ETV5: variants seen among roughly 807,000 people sequenced by gnomAD.
ETV5 encodes ETS variant transcription factor 5.
ETV5 carries 10 observed loss-of-function variants against 70.0 expected under a neutral mutation model. The observed-to-expected ratio is 0.14, with a 90% CI of 0.09 to 0.24. ETV5 has a LOEUF of 0.24. Ranked by LOEUF, ETV5 falls within the 10% of genes least tolerant of loss-of-function variation. The probability of loss-of-function intolerance (pLI) is 1.00; values close to 1 mark genes in which losing one functional copy is unlikely to be tolerated. For synonymous variants in ETV5, 216 were observed against 242.2 expected, an observed-to-expected ratio of 0.89 and a Z score of 1.01; for missense variants, 453 against 651.2, an observed-to-expected ratio of 0.70 and a Z score of 3.31.
chr3:186,102,261 T>C (rs1049635403), intron 5 of ETV5, among the ~76,000 whole-genome samples: 1 of 152,164 alleles, frequency 6.6e-6, no homozygotes, highest in African/African-American at 2.4e-5. Flanking sequence ...ATGTATACAA[T>C]AAATTTACAC....
intron 7 of ETV5, among the ~76,000 whole-genome samples, chr3:186,069,498 G>GT (rs1334731682): frequency 1.1e-4 from 16 of 140,748 alleles, no homozygotes; most frequent in African/African-American, 4.1e-4. Flanking sequence ...GAGAGACGAA[G>GT]TTGTTTTTTT....
In ETV5 at chr3:186,079,845, G is replaced by A. The variant is rs1354537583; in HGVS notation, c.622C>T (p.Pro208Ser). The change falls in exon 7 of 13, where the codon CCT becomes TCT. Residue 208 changes from proline (P) to serine (S), a missense_variant. By Grantham distance (74) the Pro-to-Ser change is moderately conservative. Transcript: ENST00000306376. ...HQPLQMPKMM[P>S]ENQYPSEQRF... The stretch of plus-strand genomic sequence containing the variant: ...TGTTCTGATGGATACTGGTTTTCAG[G>A]CATCATCTTTGGCATCTGCAGGGGC... The A allele has an allele frequency of 1.2e-6, 2 of 1,608,404 alleles. No individual in the cohort carries two copies. The highest frequency in any genetic ancestry group is 1.3e-5 in the African/African-American group (1 of 74,506).
intron 1 of ETV5, among the ~76,000 whole-genome samples, chr3:186,106,154 C>T (rs1233957079): frequency 1.3e-5 from 2 of 151,962 alleles, no homozygotes; most frequent in Non-Finnish European, 2.9e-5. Flanking sequence ...ATCCATTTAC[C>T]CAGTCATCAT....
rs754139347 is a variant in ETV5 at position 186,078,278 on chromosome 3, T to C, written c.650+1539A>G. ...TAAAGGAATTTTCTTTTACAGTTCA[T>C]GGTATAACAAATAGAAGTTTGCTAA... is the stretch of plus-strand genomic sequence containing the variant. On this transcript the variant is annotated intron_variant, in intron 7 of 12. Transcript: ENST00000306376. 1.2e-4 allele frequency: 102 copies of C among 838,840 alleles called. No individual in the cohort carries two copies. The East Asian group carries it at 1.9e-3, about 16-fold the overall frequency. 52.0% of individuals were successfully genotyped at this position (838,840 alleles called of 1,614,324 possible).
chr3:186,063,640 G>A (rs4396928), intron 9 of ETV5, among the ~76,000 whole-genome samples: 9,354 of 152,184 alleles, frequency 0.061, 897 homozygotes, highest in East Asian at 0.47. Context: ...TGGGTAAACT[G>A]CTTTATATCT....
At chr3:186,064,252 C>T (rs1049509144) in intron 9 of ETV5, 165 bp downstream of exon 9, 3 of 650,722 alleles carry the variant, frequency 4.6e-6, no homozygotes, top group African/African-American at 3.7e-5. Context: ...AAGGTTTAAA[C>T]TATGATCTCA....
intron 5 of ETV5, among the ~76,000 whole-genome samples, chr3:186,103,382 C>A (rs965245200): frequency 2.0e-5 from 3 of 152,184 alleles, no homozygotes; most frequent in Non-Finnish European, 2.9e-5. Context: ...AAAGAACATA[C>A]CCTTGCTTCA....
At chr3:186,086,513 A>G (rs1302274784) in intron 5 of ETV5, among the ~76,000 whole-genome samples, 1 of 152,236 alleles carries the variant, frequency 6.6e-6, no homozygotes, top group African/African-American at 2.4e-5. Flanking sequence ...ACAAAGTATA[A>G]GAATCAGTAA....
At chr3:186,083,033 G>A (rs1179604549) in intron 5 of ETV5, among the ~76,000 whole-genome samples, 1 of 152,206 alleles carries the variant, frequency 6.6e-6, no homozygotes. Flanking sequence ...TTTTGATGGT[G>A]ACATCATGGC....
At position 186,052,166 on chromosome 3, in the gene ETV5, G is replaced by A. The variant is rs769530260; in HGVS notation, c.1210-35C>T. On this transcript the variant is annotated intron_variant, in intron 11 of 12. Coordinates refer to ENST00000306376, the MANE Select transcript of ETV5 (RefSeq NM_004454.3). The surrounding 1 kb of genome is among the most constrained non-coding windows in gnomAD (Gnocchi z 4.5). ...CAGGAAAGTGAAGAGCAATGGAAACGCATTCCCTGGGCCCCATGTTCTCTC... is the reference window on the plus strand; with the variant it reads ...CAGGAAAGTGAAGAGCAATGGAAACACATTCCCTGGGCCCCATGTTCTCTC... 12 of 1,591,978 alleles carry A rather than the reference G, an allele frequency of 7.5e-6. No homozygotes were observed. Among genetic ancestry groups the A allele is most frequent in the East Asian group, 4.5e-5 (2 of 44,638 alleles).
chr3:186,080,948 T>G, intron 6 of ETV5, 98 bp downstream of exon 6: 1 of 1,408,446 alleles, frequency 7.1e-7, no homozygotes, highest in Non-Finnish European at 9.6e-7. Context: ...TACCACAGGG[T>G]CTGCTGGGTA....
chr3:186,105,397 A>T lies in ETV5; in HGVS notation c.182-42T>A, dbSNP rs186815476. ...TATTTTAGACCTTTAAGTTTTATTA[A>T]AAAGCACAGTAAAATGTTTTATATG... is the stretch of plus-strand genomic sequence containing the variant. On this transcript the variant is annotated intron_variant, in intron 4 of 12. Transcript: ENST00000306376. The surrounding 1 kb of genome is among the most constrained non-coding windows in gnomAD (Gnocchi z 4.5). 1 of 1,611,728 alleles carries T rather than the reference A, an allele frequency of 6.2e-7. No individual in the cohort carries two copies. Among genetic ancestry groups the T allele is most frequent in the Admixed American group, 1.7e-5 (1 of 59,678 alleles).
At chr3:186,078,788 C>T (rs1713859230) in intron 7 of ETV5, among the ~76,000 whole-genome samples, 2 of 152,050 alleles carry the variant, frequency 1.3e-5, no homozygotes, top group Non-Finnish European at 2.9e-5. Context: ...AGCAACCAGC[C>T]ATATTTTGCC....
At chr3:186,107,756 CGGTTTTAT>C (rs1714623966) in intron 1 of ETV5, among the ~76,000 whole-genome samples, 1 of 152,010 alleles carries the variant, frequency 6.6e-6, no homozygotes, top group Non-Finnish European at 1.5e-5. Context: ...GCAGCGGGCC[CGGTTTTAT>C]GAATGGGAGA....
intron 12 of ETV5, among the ~76,000 whole-genome samples, chr3:186,051,544 T>C (rs1449980538): frequency 6.6e-6 from 1 of 152,252 alleles, no homozygotes; most frequent in East Asian, 1.9e-4. Context: ...GGTTTTTAAC[T>C]TGAGTTCCAG....
chr3:186,107,887 A>G (rs1454254468), intron 1 of ETV5, among the ~76,000 whole-genome samples: 2 of 151,804 alleles, frequency 1.3e-5, no homozygotes, highest in East Asian at 3.9e-4. Flanking sequence ...CCATTCATGA[A>G]AACTCCTTCA....
intron 5 of ETV5, among the ~76,000 whole-genome samples, chr3:186,098,807 TC>T (rs1248828964): frequency 6.6e-6 from 1 of 152,220 alleles, no homozygotes; most frequent in Non-Finnish European, 1.5e-5. Flanking sequence ...TTCCTTTTTT[TC>T]ATCACATATT....
rs2150139908 is a variant in ETV5 at position 186,048,378 on chromosome 3, T to A, written c.*261A>T. The A allele has an allele frequency of 1.9e-6, 1 of 522,552 alleles. No individual in the cohort carries two copies. Among genetic ancestry groups the A allele is most frequent in the East Asian group, 3.3e-5 (1 of 30,344 alleles). 32.4% of individuals were successfully genotyped at this position (522,552 alleles called of 1,614,324 possible). ...ATTGTCCATGGTAAGGAGACTCCAT[T>A]TTGATCTCTTCCCAGAAACCTCATC... is the stretch of plus-strand genomic sequence containing the variant. On this transcript the variant is annotated 3_prime_UTR_variant, in exon 13 of 13. Transcript: ENST00000306376.
Position 186,057,055 on chromosome 3 carries a change from G to A in ETV5, c.1209+20C>T. The A allele has an allele frequency of 4.4e-6, 7 of 1,604,658 alleles. No homozygotes were observed. The highest frequency in any genetic ancestry group is 6.0e-6 in the Non-Finnish European group (7 of 1,172,904). ...CAACAACAAATCAAAACCCGTCTGAGTCCAGCATCCAGTGCATACCTCTTC... is the reference window on the plus strand; with the variant it reads ...CAACAACAAATCAAAACCCGTCTGAATCCAGCATCCAGTGCATACCTCTTC... On this transcript the variant is annotated intron_variant, in intron 11 of 12. Coordinates refer to ENST00000306376, the MANE Select transcript of ETV5 (RefSeq NM_004454.3). The surrounding 1 kb of genome is among the most constrained non-coding windows in gnomAD (Gnocchi z 4.9).
Sources: allele counts gnomAD v4.1 joint callset (sites outside exome capture counted in the v4.1 genomes callset), GRCh38; gene constraint gnomAD v4.1.1; non-coding constraint Gnocchi (gnomAD v3.1); transcripts MANE v1.5; gene names NCBI Gene and HGNC (gene_info 2026-07-23, HGNC 2026-07-21).